The following PHF14 variants were observed in gnomAD, a reference collection of about 807,000 sequenced individuals.
The protein encoded by PHF14 is PHD finger protein 14.
In PHF14, 55 loss-of-function variants were observed where a neutral mutation model predicts 117.9. The ratio of observed to expected loss-of-function variants is 0.47; its 90% CI spans 0.38 to 0.58. The LOEUF is 0.58. Among genes scored for constraint, PHF14 ranks in the 20% least tolerant of loss-of-function variants. PHF14 has a pLI of 0.00. For synonymous variants in PHF14, 409 were observed against 368.6 expected (o/e 1.11, Z -1.26); for missense variants, 978 against 1,122.2 (o/e 0.87, Z 1.84).
intron 16 of PHF14, chr7:11,103,349 A>G (rs1787154583): frequency 1.1e-6 from 1 of 942,128 alleles, no homozygotes; most frequent in Non-Finnish European, 1.3e-6. Context: ...ATTTTTCTCA[A>G]CCTTAAATAT....
chr7:11,078,374 G>A (rs1468225226), intron 16 of PHF14, among the ~76,000 whole-genome samples: 4 of 152,102 alleles, frequency 2.6e-5, no homozygotes, highest in African/African-American at 7.2e-5. Flanking sequence ...AGGAAAAATG[G>A]TGGGGAGAGG....
chr7:10,997,356 T>G (rs566423123), intron 4 of PHF14, among the ~76,000 whole-genome samples: 12 of 152,284 alleles, frequency 7.9e-5, no homozygotes, highest in African/African-American at 2.9e-4. Flanking sequence ...GCAATTCCTG[T>G]GATGAGTTTT....
chr7:11,070,959 A>G (rs373157702), intron 16 of PHF14, among the ~76,000 whole-genome samples: 9 of 152,364 alleles, frequency 5.9e-5, no homozygotes, highest in East Asian at 3.9e-4. Flanking sequence ...GAAAATATAA[A>G]AACTTTTAAA....
Position 11,035,707 on chromosome 7 carries a change from G to GA in PHF14, c.1529dup (p.Asn510LysfsTer10). On this transcript the variant is annotated frameshift_variant, in exon 8 of 18. Coordinates refer to ENST00000634607, the MANE Select transcript of PHF14 (RefSeq NM_001007157.2). LOFTEE classifies it high-confidence loss of function. ...GATAGGTTAGACAGAAAGTGGAAGAGAAAAAACTACTTGGCTCTACAGTCC... is the reference window on the plus strand; with the variant it reads ...GATAGGTTAGACAGAAAGTGGAAGAGAAAAAAACTACTTGGCTCTACAGTCC... The GA allele has an allele frequency of 6.2e-7, 1 of 1,611,336 alleles. No homozygotes were observed. Among genetic ancestry groups the GA allele is most frequent in the Non-Finnish European group, 8.5e-7 (1 of 1,177,824 alleles).
intron 16 of PHF14, among the ~76,000 whole-genome samples, chr7:11,090,372 G>A (rs1194280211): frequency 6.6e-6 from 1 of 152,202 alleles, no homozygotes; most frequent in African/African-American, 2.4e-5. Flanking sequence ...ATGGGATTCA[G>A]TCACAAGCAA....
chr7:11,046,649 A>G (rs1248577476), intron 13 of PHF14, among the ~76,000 whole-genome samples: 2 of 152,088 alleles, frequency 1.3e-5, no homozygotes, highest in Non-Finnish European at 2.9e-5. Context: ...AAGTTTTTAC[A>G]GGTATTATAA....
chr7:11,081,727 G>A lies in PHF14; in HGVS notation c.2654+19642G>A, dbSNP rs544491894. Among the ~76,000 whole-genome samples, 822 of 152,008 alleles carry A rather than the reference G, an allele frequency of 5.4e-3. 4 individuals carry two copies. The highest frequency in any genetic ancestry group is 0.01 in the Non-Finnish European group (684 of 67,982). On this transcript the variant is annotated intron_variant, in intron 16 of 17. Transcript: ENST00000634607. ...AAAAATTAGCGGGGTGTGGTGGCACGTGCCTGTAGTCCCAGCTACTTGGGA... is the reference window on the plus strand; with the variant it reads ...AAAAATTAGCGGGGTGTGGTGGCACATGCCTGTAGTCCCAGCTACTTGGGA...
At chr7:11,100,679 A>G (rs1173129981) in intron 16 of PHF14, among the ~76,000 whole-genome samples, 4 of 151,900 alleles carry the variant, frequency 2.6e-5, no homozygotes, top group Non-Finnish European at 5.9e-5. Context: ...TAATCCTCAT[A>G]ACAACTGCTT....
At chr7:11,147,623 T>C (rs1689597555) in intron 17 of PHF14, among the ~76,000 whole-genome samples, 1 of 152,216 alleles carries the variant, frequency 6.6e-6, no homozygotes, top group Admixed American at 6.5e-5. Flanking sequence ...CATTTTCTTT[T>C]CTTGGTTTCA....
At chr7:10,992,046 C>T (rs542523476) in intron 4 of PHF14, among the ~76,000 whole-genome samples, 1 of 151,410 alleles carries the variant, frequency 6.6e-6, no homozygotes, top group South Asian at 2.1e-4. Flanking sequence ...TTTGTAGCTT[C>T]TTCTTTCATA....
chr7:10,974,763 C>G (rs150617896), intron 1 of PHF14, 72 bp from the exon 2 acceptor site: 2 of 789,186 alleles, frequency 2.5e-6, no homozygotes, highest in Non-Finnish European at 4.2e-6. Context: ...TCTTTATGTT[C>G]TCTTAGCACC....
chr7:10,999,759 A>G (rs1416732956), intron 4 of PHF14, among the ~76,000 whole-genome samples: 1 of 152,214 alleles, frequency 6.6e-6, no homozygotes, highest in East Asian at 1.9e-4. Context: ...AAACATTTAA[A>G]AAGTCTGAAT....
intron 4 of PHF14, among the ~76,000 whole-genome samples, chr7:11,002,019 T>G (rs1160814564): frequency 1.3e-5 from 2 of 151,848 alleles, no homozygotes; most frequent in Non-Finnish European, 2.9e-5. Context: ...TTGAGGAAAT[T>G]ACTCCTTATT....
intron 16 of PHF14, among the ~76,000 whole-genome samples, chr7:11,091,807 AT>A (rs1269595570): frequency 3.3e-5 from 5 of 152,136 alleles, no homozygotes; most frequent in African/African-American, 1.2e-4. Context: ...CTGGAAATAA[AT>A]TTGATAACTG....
At position 11,042,704 on chromosome 7, in the gene PHF14, C is replaced by A; in HGVS notation, c.2202C>A (p.Asn734Lys). 6.3e-7 allele frequency: 1 copy of A among 1,586,652 alleles called. No homozygotes were observed. Among genetic ancestry groups the A allele is most frequent in the African/African-American group, 1.4e-5 (1 of 73,970 alleles). ...VLYSCGICKK[N>K]HDQHLLLLCD... The stretch of plus-strand genomic sequence containing the variant: ...AAAGTTGTGGGATTTGTAAGAAGAA[C>A]CATGATCAGCATCTTCTTTTATTGT... Residue 734 changes from asparagine (N) to lysine (K), a missense_variant, in exon 13 of 18, where the codon AAC (asparagine) becomes AAA (lysine). Physicochemically the swap from Asn to Lys is moderately conservative, Grantham distance 94 (BLOSUM62 0). Transcript: ENST00000634607.
chr7:11,031,845 T>C (rs1025073000), intron 7 of PHF14, among the ~76,000 whole-genome samples: 2 of 152,240 alleles, frequency 1.3e-5, no homozygotes, highest in South Asian at 2.1e-4. Flanking sequence ...TTTTACATTA[T>C]ATAGTCTAAA....
chr7:11,098,209 CTT>C (rs1786948450), intron 16 of PHF14, among the ~76,000 whole-genome samples: 1 of 152,116 alleles, frequency 6.6e-6, no homozygotes, highest in Admixed American at 6.5e-5. Context: ...ATTTAAAAAA[CTT>C]TAGCCATGTA....
chr7:11,041,285 T>G (rs1325392573), intron 12 of PHF14, among the ~76,000 whole-genome samples: 1 of 151,968 alleles, frequency 6.6e-6, no homozygotes, highest in Non-Finnish European at 1.5e-5. Context: ...TTTACTTTCT[T>G]TGCTCAATAT....
At chr7:11,078,849 TTG>T (rs1785968380) in intron 16 of PHF14, among the ~76,000 whole-genome samples, 1 of 152,144 alleles carries the variant, frequency 6.6e-6, no homozygotes, top group Non-Finnish European at 1.5e-5. Context: ...TCTGAAAAAT[TTG>T]TCTTTTCCTT....
Sources: allele counts gnomAD v4.1 joint callset (sites outside exome capture counted in the v4.1 genomes callset), GRCh38; gene constraint gnomAD v4.1.1; transcripts MANE v1.5; gene names NCBI Gene and HGNC (gene_info 2026-07-23, HGNC 2026-07-21).